The following CENPT variants were observed in gnomAD, a reference collection of about 807,000 sequenced individuals.
CENPT encodes interphase centromere complex protein 22.
CENPT carries 42 observed loss-of-function variants against 59.7 expected under a neutral mutation model. The ratio of observed to expected loss-of-function variants is 0.70; its 90% confidence interval spans 0.55 to 0.91. CENPT has a LOEUF of 0.91. Ranked by LOEUF, CENPT falls within the 40% of genes least tolerant of loss-of-function variation. CENPT has a pLI of 0.00. For synonymous variants in CENPT, 295 were observed against 289.6 expected (o/e 1.02, Z -0.19); for missense variants, 716 against 713.4 (o/e 1.00, Z -0.04).
In CENPT at chr16:67,829,413, G is replaced by A; in HGVS notation, c.1280+10C>T. 6.3e-7 allele frequency: 1 copy of A among 1,585,438 alleles called. No homozygotes were observed. Among genetic ancestry groups the A allele is most frequent in the Non-Finnish European group, 8.5e-7 (1 of 1,170,138 alleles). On this transcript the variant is annotated intron_variant, in intron 13 of 15. Transcript: ENST00000562787. The stretch of plus-strand genomic sequence containing the variant: ...AGAGGCCCATGAGGAATGGGGTTGT[G>A]GGATCTTACACTGCAGCACCAGGCG...
Position 67,834,001 on chromosome 16 carries a change from G to A in CENPT, c.-142C>T. ...TCGCACTATCGCAGCTCGCGGGGTG[G>A]ACAGTGATGGTTGCAAACTCCGGAT... On this transcript the variant is annotated 5_prime_UTR_variant, in exon 4 of 16. Transcript: ENST00000562787. 1 of 556,462 alleles carries A rather than the reference G, an allele frequency of 1.8e-6. No individual in the cohort carries two copies. The highest frequency in any genetic ancestry group is 3.5e-5 in the East Asian group (1 of 28,608). The allele number at this position is 556,462 out of a possible 1,614,324, so 34.5% of individuals were successfully genotyped here.
At chr16:67,835,939 G>A (rs543175587) in intron 1 of CENPT, among the ~76,000 whole-genome samples, 30 of 151,820 alleles carry the variant, frequency 2.0e-4, no homozygotes, top group South Asian at 8.3e-4. Context: ...GTATAGAGAC[G>A]GGGTTTCACC....
chr16:67,846,469 C>A, intron 1 of CENPT, among the ~76,000 whole-genome samples: 1 of 152,254 alleles, frequency 6.6e-6, no homozygotes, highest in Non-Finnish European at 1.5e-5. Flanking sequence ...GTTAAGGCCA[C>A]ACAGCTCGGA....
At chr16:67,836,992 C>T (rs561040990) in intron 1 of CENPT, among the ~76,000 whole-genome samples, 3 of 152,166 alleles carry the variant, frequency 2.0e-5, no homozygotes, top group South Asian at 2.1e-4. Flanking sequence ...CTGCCCGCCT[C>T]GGCCTCCCAA....
chr16:67,837,253 G>A (rs1295381324), intron 1 of CENPT, among the ~76,000 whole-genome samples: 2 of 151,600 alleles, frequency 1.3e-5, no homozygotes, highest in Non-Finnish European at 2.9e-5. Flanking sequence ...GGTCACTGAA[G>A]ATCTCAACCT....
intron 1 of CENPT, among the ~76,000 whole-genome samples, chr16:67,836,105 G>A (rs1374279234): frequency 1.3e-5 from 2 of 151,434 alleles, no homozygotes; most frequent in African/African-American, 2.4e-5. Context: ...TGTTGCCCGG[G>A]ATGGAGTGCA....
rs749801113 is a variant in CENPT, at chr16:67,830,381, C to T, written c.862+9G>A. 1.3e-6 allele frequency: 2 copies of T among 1,598,902 alleles called. No individual in the cohort carries two copies. The highest frequency in any genetic ancestry group is 2.2e-5 in the South Asian group (2 of 89,206). On this transcript the variant is annotated intron_variant, in intron 11 of 15. Coordinates refer to ENST00000562787, the MANE Select transcript of CENPT (RefSeq NM_025082.4). ...ATTTGGCTCCAGGCCACCAGTGCCA[C>T]ACACTCACTATTCTTCTGCAGCCCA...
intron 1 of CENPT, among the ~76,000 whole-genome samples, chr16:67,839,979 C>A (rs570491518): frequency 6.6e-6 from 1 of 152,184 alleles, no homozygotes. Flanking sequence ...AGGGGCTACA[C>A]CGGCCCCATT....
intron 10 of CENPT, chr16:67,830,912 T>C: frequency 1.9e-6 from 1 of 517,564 alleles, no homozygotes; most frequent in East Asian, 3.4e-5. Context: ...CCCAGGTCAG[T>C]TTGAATTGGC....
chr16:67,829,345 G>A, intron 13 of CENPT, 78 bp downstream of exon 13: 4 of 1,168,618 alleles, frequency 3.4e-6, no homozygotes, highest in South Asian at 3.2e-5. Flanking sequence ...CGTAGGAAGG[G>A]GGAGGACCCT....
intron 1 of CENPT, chr16:67,846,931 C>T (rs28670302): frequency 0.14 from 20,912 of 152,510 alleles, 2,943 homozygotes; most frequent in African/African-American, 0.36. Flanking sequence ...GGACAGTCGG[C>T]CGCAGACCGC....
At chr16:67,831,489 T>C (rs1159047880) in intron 9 of CENPT, 87 bp downstream of exon 9, 3 of 1,575,632 alleles carry the variant, frequency 1.9e-6, no homozygotes, top group South Asian at 1.1e-5. Flanking sequence ...TAGGAAGTAG[T>C]ATGGGCAGAT....
chr16:67,838,540 T>C (rs1406366316), intron 1 of CENPT, among the ~76,000 whole-genome samples: 2 of 151,162 alleles, frequency 1.3e-5, no homozygotes, highest in Non-Finnish European at 2.9e-5. Context: ...GAGAATGGCT[T>C]GAACCCGGGA....
intron 1 of CENPT, among the ~76,000 whole-genome samples, chr16:67,844,869 A>C (rs904657077): frequency 2.0e-5 from 3 of 151,440 alleles, no homozygotes; most frequent in Non-Finnish European, 2.9e-5. Context: ...GCTCACTGCA[A>C]CCTCTGCCTC....
Position 67,843,470 on chromosome 16 carries a change from G to A in CENPT, c.-492+3931C>T. 6.2e-7 allele frequency: 1 copy of A among 1,612,370 alleles called. No individual in the cohort carries two copies. Among genetic ancestry groups the A allele is most frequent in the Non-Finnish European group, 8.5e-7 (1 of 1,179,114 alleles). ...TGAGAAGGATCGGCTGCTTGCCATG[G>A]CTGTCATCCGCAAGAAGCACGGAAT... On this transcript the variant is annotated intron_variant, in intron 1 of 15. Coordinates refer to ENST00000562787, the MANE Select transcript of CENPT (RefSeq NM_025082.4). The surrounding 1 kb of genome is among the most constrained non-coding windows in gnomAD (Gnocchi z 5.7).
At chr16:67,835,436 G>C (rs1344019100) in intron 2 of CENPT, 102 bp downstream of exon 2, 1 of 152,090 alleles carries the variant, frequency 6.6e-6, no homozygotes, top group Non-Finnish European at 1.5e-5. Flanking sequence ...GGCTGAGGCG[G>C]GCGGATCACT....
At position 67,834,021 on chromosome 16, in the gene CENPT, C is replaced by G; in HGVS notation, c.-162G>C. On this transcript the variant is annotated 5_prime_UTR_variant, in exon 4 of 16. Coordinates refer to ENST00000562787, the MANE Select transcript of CENPT (RefSeq NM_025082.4). ...GGGTGGACAGTGATGGTTGCAAACT[C>G]CGGATGCTTTGGAGGCAGCCTCGCT... is the stretch of plus-strand genomic sequence containing the variant. 1 of 511,616 alleles carries G rather than the reference C, an allele frequency of 2.0e-6. No individual in the cohort carries two copies. Among genetic ancestry groups the G allele is most frequent in the South Asian group, 3.0e-5 (1 of 33,380 alleles). The allele number at this position is 511,616 out of a possible 1,614,324, so 31.7% of individuals were successfully genotyped here.
chr16:67,839,747 G>A (rs1228001631), intron 1 of CENPT, among the ~76,000 whole-genome samples: 1 of 151,586 alleles, frequency 6.6e-6, no homozygotes, highest in African/African-American at 2.4e-5. Flanking sequence ...GGTGCCTGGC[G>A]CCTGTAATCC....
rs373811070 is a variant in CENPT at position 67,831,528 on chromosome 16, A to G, written c.560+48T>C. ...ATCCCAGGCAGCACCTCCCTCCCCA[A>G]GTCTCTCCTCCACCCACTCCCAGAA... On this transcript the variant is annotated intron_variant, in intron 9 of 15. Transcript: ENST00000562787. 26 of 1,608,666 alleles carry G rather than the reference A, an allele frequency of 1.6e-5. No homozygotes were observed. In the African/African-American group the frequency reaches 2.7e-4, roughly 17 times the overall value.
Sources: allele counts gnomAD v4.1 joint callset (sites outside exome capture counted in the v4.1 genomes callset), GRCh38; gene constraint gnomAD v4.1.1; non-coding constraint Gnocchi (gnomAD v3.1); transcripts MANE v1.5; gene names NCBI Gene and HGNC (gene_info 2026-07-23, HGNC 2026-07-21).